CNIH3: variants seen among roughly 807,000 people sequenced by gnomAD.
The protein encoded by CNIH3 is protein cornichon homolog 3.
A neutral mutation model predicts 24.1 loss-of-function variants in CNIH3; 14 were observed. The ratio of observed to expected loss-of-function variants is 0.58; its 90% CI spans 0.38 to 0.91. The LOEUF (loss-of-function observed/expected upper bound fraction) is 0.91, where lower values mean the gene tolerates loss of function less well. Among genes scored for constraint, CNIH3 ranks in the 40% least tolerant of loss-of-function variants. CNIH3 has a pLI of 0.00. For synonymous variants in CNIH3, 68 were observed against 73.8 expected (o/e 0.92, Z 0.40); for missense variants, 178 against 196.8 (o/e 0.90, Z 0.57).
rs145082556 is a variant in CNIH3, at chr1:224,503,074, G to A, written n.204-12667G>A. 9.6e-3 allele frequency among the ~76,000 whole-genome samples: 1,465 copies of A among 151,938 alleles called. 9 individuals are homozygous for A. Among genetic ancestry groups the A allele is most frequent in the Non-Finnish European group, 0.015 (1,026 of 67,938 alleles). ...AGGGAGGGAGGTGGGGGCAGGGGCG[G>A]AGGAAACCTGGGAGACTTCTGCACG... On this transcript the variant is annotated intron_variant and non_coding_transcript_variant, in intron 1 of 5. Coordinates refer to the CNIH3 transcript ENST00000471578.
chr1:224,713,012 A>G (rs1688237765), intron 3 of CNIH3, among the ~76,000 whole-genome samples: 1 of 152,218 alleles, frequency 6.6e-6, no homozygotes, highest in African/African-American at 2.4e-5. Flanking sequence ...AAAGGTTAAC[A>G]TTAAATAATC....
chr1:224,474,194 G>T (rs559531563), intron 1 of CNIH3, among the ~76,000 whole-genome samples: 1 of 151,924 alleles, frequency 6.6e-6, no homozygotes, highest in Admixed American at 6.6e-5. Context: ...GAGAAACCCC[G>T]TCTCTACTAA....
chr1:224,524,168 C>T (rs1678752122), intron 2 of CNIH3, among the ~76,000 whole-genome samples: 1 of 152,206 alleles, frequency 6.6e-6, no homozygotes, highest in Admixed American at 6.5e-5. Context: ...AAAGGATCCT[C>T]CCAGGGTCCC....
At chr1:224,702,318 C>T (rs1687539959) in intron 3 of CNIH3, among the ~76,000 whole-genome samples, 1 of 152,162 alleles carries the variant, frequency 6.6e-6, no homozygotes, top group South Asian at 2.1e-4. Context: ...TATTTGGCCC[C>T]AACCCTGCAG....
In CNIH3 at chr1:224,684,649, C is replaced by G; in HGVS notation, c.151-147C>G. The G allele has an allele frequency of 1.4e-6, 1 of 698,158 alleles. No homozygotes were observed. Among genetic ancestry groups the G allele is most frequent in the Non-Finnish European group, 2.6e-6 (1 of 383,602 alleles). The allele number at this position is 698,158 out of a possible 1,614,324, so 43.2% of individuals were successfully genotyped here. ...TCAGAAACTCTGTTAGAAAAAGCCACTGGGTGGGAGCATGCTGGCCATGTG... is the reference window on the plus strand; with the variant it reads ...TCAGAAACTCTGTTAGAAAAAGCCAGTGGGTGGGAGCATGCTGGCCATGTG... On this transcript the variant is annotated intron_variant, in intron 2 of 5. Transcript: ENST00000272133. This position sits in a 1 kb window ranked among gnomAD's most constrained non-coding sequence, Gnocchi z 4.2.
intron 3 of CNIH3, among the ~76,000 whole-genome samples, chr1:224,712,587 G>A (rs1688215237): frequency 6.6e-6 from 1 of 152,204 alleles, no homozygotes; most frequent in South Asian, 2.1e-4. Context: ...GACTTGAAGG[G>A]TAGCAGGAAC....
Position 224,739,582 on chromosome 1 carries a change from C to T in CNIH3, c.*226C>T. 2.7e-6 allele frequency: 2 copies of T among 754,058 alleles called. No individual in the cohort carries two copies. The highest frequency in any genetic ancestry group is 3.0e-5 in the Admixed American group (1 of 32,900). 46.7% of individuals were successfully genotyped at this position (754,058 alleles called of 1,614,324 possible). A position where few individuals can be genotyped will look rare whatever the true frequency, so the allele number is the denominator to read the frequency against. On this transcript the variant is annotated 3_prime_UTR_variant, in exon 6 of 6. Transcript: ENST00000272133. ...GTCAATCTTTGGCATTCGAATTCCA[C>T]ACACGGGGTCCTAGAGCCCTTCTGA...
intron 1 of CNIH3, among the ~76,000 whole-genome samples, chr1:224,620,563 G>A (rs1683230538): frequency 1.3e-5 from 2 of 152,084 alleles, no homozygotes; most frequent in African/African-American, 4.8e-5. Flanking sequence ...TTTAAAAGAG[G>A]AAAATTCTAT....
At chr1:224,660,619 C>T (rs779436128) in intron 1 of CNIH3, among the ~76,000 whole-genome samples, 3 of 152,022 alleles carry the variant, frequency 2.0e-5, no homozygotes, top group Non-Finnish European at 2.9e-5. Flanking sequence ...CCAAGCTTAA[C>T]GTTGCATGTT....
chr1:224,559,622 A>G (rs1680280510), intron 3 of CNIH3, among the ~76,000 whole-genome samples: 1 of 152,134 alleles, frequency 6.6e-6, no homozygotes, highest in East Asian at 1.9e-4. Flanking sequence ...ATACTCCCAC[A>G]TTGGCCTCCC....
chr1:224,497,322 A>T (rs1677477447), intron 1 of CNIH3, among the ~76,000 whole-genome samples: 1 of 152,238 alleles, frequency 6.6e-6, no homozygotes, highest in African/African-American at 2.4e-5. Context: ...CATAGTGAAT[A>T]TACTAAAAAC....
chr1:224,478,566 AT>A (rs1355509253), intron 1 of CNIH3, among the ~76,000 whole-genome samples: 1 of 152,082 alleles, frequency 6.6e-6, no homozygotes, highest in East Asian at 1.9e-4. Flanking sequence ...ATTATCTTGA[AT>A]TTCTTTGAGT....
chr1:224,508,930 A>G (rs1368848916), intron 1 of CNIH3, among the ~76,000 whole-genome samples: 1 of 152,214 alleles, frequency 6.6e-6, no homozygotes, highest in Non-Finnish European at 1.5e-5. Context: ...TAGTAGTAGA[A>G]CTAGGCATTT....
chr1:224,580,507 C>T (rs941309777), intron 4 of CNIH3, among the ~76,000 whole-genome samples: 1 of 151,750 alleles, frequency 6.6e-6, no homozygotes, highest in African/African-American at 2.4e-5. Context: ...AAGGGCAAAG[C>T]GAAAAAAGGA....
intron 3 of CNIH3, among the ~76,000 whole-genome samples, chr1:224,693,474 CA>C (rs990145214): frequency 5.9e-5 from 9 of 152,204 alleles, no homozygotes; most frequent in African/African-American, 2.2e-4. Context: ...TGCGCTTGGG[CA>C]GGGGGGATGT....
At chr1:224,504,436 A>G (rs1220502180) in intron 1 of CNIH3, among the ~76,000 whole-genome samples, 1 of 152,130 alleles carries the variant, frequency 6.6e-6, no homozygotes, top group East Asian at 1.9e-4. Flanking sequence ...ACATTTGGTA[A>G]AGGGATTCCT....
chr1:224,693,305 A>G (rs1180515526), intron 3 of CNIH3, among the ~76,000 whole-genome samples: 1 of 152,198 alleles, frequency 6.6e-6, no homozygotes, highest in Non-Finnish European at 1.5e-5. Context: ...TCCCTAACAC[A>G]TGGGCACTGG....
intron 4 of CNIH3, chr1:224,574,796 AT>A: frequency 1.0e-6 from 1 of 1,002,430 alleles, no homozygotes; most frequent in Non-Finnish European, 1.6e-6. Flanking sequence ...CTGGGAAGGA[AT>A]TTTTCCCATT....
At chr1:224,502,054 C>G (rs1677697841) in intron 1 of CNIH3, among the ~76,000 whole-genome samples, 1 of 152,070 alleles carries the variant, frequency 6.6e-6, no homozygotes, top group South Asian at 2.1e-4. Context: ...AGAGGATCCT[C>G]TGGGCCTTGT....
Sources: allele counts gnomAD v4.1 joint callset (sites outside exome capture counted in the v4.1 genomes callset), GRCh38; gene constraint gnomAD v4.1.1; non-coding constraint Gnocchi (gnomAD v3.1); transcripts MANE v1.5; gene names NCBI Gene and HGNC (gene_info 2026-07-23, HGNC 2026-07-21).